UBA52: variants seen among roughly 807,000 people sequenced by gnomAD.
UBA52 encodes the protein ubiquitin A-52 residue ribosomal protein fusion product 1.
In UBA52, 1 loss-of-function variant was observed where a neutral mutation model predicts 15.3. That is an observed-to-expected ratio of 0.07 (90% CI 0.02 to 0.31). UBA52 has a LOEUF of 0.31. UBA52 is among the 10% of genes least tolerant of loss of function. The pLI, the probability that UBA52 is intolerant of heterozygous loss-of-function variation, is 1.00. For synonymous variants in UBA52, 50 were observed against 58.3 expected, an observed-to-expected ratio of 0.86 and a Z score of 0.65; for missense variants, 87 against 168.0, an observed-to-expected ratio of 0.52 and a Z score of 2.66.
In UBA52 at chr19:18,577,044, T is replaced by C. The variant is rs1428223797; in HGVS notation, c.*1894T>C. On this transcript the variant is annotated 3_prime_UTR_variant, in exon 5 of 5. Transcript: ENST00000442744. ...TTGCCCAGAATGGTTTTGCACTGGGTCCAAGCAGTTCTGCCGCAGCCTCCC... is the reference window on the plus strand; with the variant it reads ...TTGCCCAGAATGGTTTTGCACTGGGCCCAAGCAGTTCTGCCGCAGCCTCCC... 7.0e-6 allele frequency: 1 copy of C among 142,864 alleles called. No homozygotes were observed. Among genetic ancestry groups the C allele is most frequent in the African/African-American group, 2.6e-5 (1 of 38,776 alleles). The allele number at this position is 142,864 out of a possible 1,614,324, so 8.8% of individuals were successfully genotyped here. A position where few individuals can be genotyped will look rare whatever the true frequency, so the allele number is the denominator to read the frequency against.
chr19:18,569,860 C>A (rs1181349826), upstream of UBA52, among the ~76,000 whole-genome samples: 1 of 151,970 alleles, frequency 6.6e-6, no homozygotes, highest in African/African-American at 2.4e-5. Context: ...ATGGTGAAAC[C>A]CCATCTCTAC....
chr19:18,570,944 C>T (rs1975458470), upstream of UBA52, among the ~76,000 whole-genome samples: 2 of 151,660 alleles, frequency 1.3e-5, no homozygotes, highest in South Asian at 4.2e-4. Flanking sequence ...ATCTCGGCCT[C>T]CCAAAGTGCA....
chr19:18,574,736 A>C, intron 3 of UBA52, 134 bp from the exon 4 acceptor site: 1 of 1,135,008 alleles, frequency 8.8e-7, no homozygotes, highest in African/African-American at 1.5e-5. Flanking sequence ...CACGTAGAAC[A>C]CTCGGGGGAT....
chr19:18,574,266 TA>T (rs1975664830), intron 3 of UBA52, among the ~76,000 whole-genome samples: 1 of 151,092 alleles, frequency 6.6e-6, no homozygotes, highest in Admixed American at 6.6e-5. Context: ...ATAAGGAAAT[TA>T]GTGTCACTTG....
At chr19:18,572,448 G>C (rs1975542922) in intron 1 of UBA52, 1 of 152,174 alleles carries the variant, frequency 6.6e-6, no homozygotes, top group South Asian at 2.1e-4. Context: ...TTCTGCCTCA[G>C]CCTCCCGAGT....
chr19:18,566,056 C>G, the UBA52 span, among the ~76,000 whole-genome samples: 7 of 152,284 alleles, frequency 4.6e-5, no homozygotes, highest in East Asian at 7.7e-4. Context: ...ATCTCGAAGT[C>G]CTGGCCTCAG....
At chr19:18,564,968 G>A in the UBA52 span, 7 of 1,611,794 alleles carry the variant, frequency 4.3e-6, no homozygotes, top group Admixed American at 5.0e-5. Context: ...TGCACCACAC[G>A]AGGACCCTAG....
At position 18,575,383 on chromosome 19, in the gene UBA52, C is replaced by G; in HGVS notation, c.*233C>G. The stretch of plus-strand genomic sequence containing the variant: ...TGTCACATCGGCATTGGTCCCTGCC[C>G]TATGCCCCTGACTCTGGATTTGTCA... On this transcript the variant is annotated 3_prime_UTR_variant, in exon 5 of 5. Transcript: ENST00000442744. 1 of 542,984 alleles carries G rather than the reference C, an allele frequency of 1.8e-6. No homozygotes were observed. Among genetic ancestry groups the G allele is most frequent in the Non-Finnish European group, 3.3e-6 (1 of 302,136 alleles). 33.6% of individuals were successfully genotyped at this position (542,984 alleles called of 1,614,324 possible).
chr19:18,567,935 C>A (rs745557209), upstream of UBA52, among the ~76,000 whole-genome samples: 2 of 152,174 alleles, frequency 1.3e-5, no homozygotes, highest in Non-Finnish European at 2.9e-5. Flanking sequence ...GAGGGCTCTT[C>A]CCTGCCTGGG....
At chr19:18,572,702 T>C (rs1358220132) in intron 1 of UBA52, 1 of 695,912 alleles carries the variant, frequency 1.4e-6, no homozygotes, top group Non-Finnish European at 1.8e-6. Flanking sequence ...TACTAAGTGA[T>C]GTTCGTGGTT....
chr19:18,568,840 T>G, upstream of UBA52: 1 of 580,668 alleles, frequency 1.7e-6, no homozygotes, highest in South Asian at 2.1e-5. Context: ...AACATCTCTA[T>G]TCTGCAAGAC....
At chr19:18,574,822 G>A (rs934443328) in intron 3 of UBA52, 48 bp from the exon 4 acceptor site, 1 of 1,605,182 alleles carries the variant, frequency 6.2e-7, no homozygotes, top group Non-Finnish European at 8.5e-7. Flanking sequence ...CTGTGACTGA[G>A]GAGCCAGGGC....
At chr19:18,570,419 C>G (rs947086190), upstream of UBA52, among the ~76,000 whole-genome samples, 10 of 151,168 alleles carry the variant, frequency 6.6e-5, no homozygotes, top group Non-Finnish European at 1.3e-4. Flanking sequence ...CCAGGCTGGT[C>G]GTGAATTCCT....
chr19:18,567,066 G>C (rs750753174), upstream of UBA52: 200 of 1,503,844 alleles, frequency 1.3e-4, no homozygotes, highest in Non-Finnish European at 1.7e-4. Context: ...AGGGGCTTGT[G>C]GCCAGCACCA....
chr19:18,571,587 C>T (rs1479062003), upstream of UBA52: 1 of 152,300 alleles, frequency 6.6e-6, no homozygotes, highest in Non-Finnish European at 1.5e-5. Flanking sequence ...CGCTGAGGGC[C>T]CGCCAACCGC....
upstream of UBA52, among the ~76,000 whole-genome samples, chr19:18,571,461 C>A (rs1052357332): frequency 2.6e-5 from 4 of 152,200 alleles, no homozygotes; most frequent in African/African-American, 9.7e-5. Flanking sequence ...TTATAATAAC[C>A]GATTCCAGGT....
At position 18,574,872 on chromosome 19, in the gene UBA52, T is replaced by A; in HGVS notation, c.193T>A (p.Ser65Thr). 6.2e-7 allele frequency: 1 copy of A among 1,613,288 alleles called. No homozygotes were observed. ...TLSDYNIQKE[S>T]TLHLVLRLRG... is the part of the protein sequence containing the mutation. The stretch of plus-strand genomic sequence containing the variant: ...GTCCTTCTGGCTGTCTCCTGCAGAG[T>A]CCACCCTGCACCTGGTGTTGCGCCT... Residue 65 changes from serine (S) to threonine (T), a missense_variant and splice_region_variant, in exon 4 of 5, where the codon TCC (serine) becomes ACC (threonine). By Grantham distance (58) the Ser-to-Thr change is moderately conservative. Coordinates refer to ENST00000442744, the MANE Select transcript of UBA52 (RefSeq NM_001033930.3).
intron 1 of UBA52, 170 bp from the exon 2 acceptor site, chr19:18,573,123 G>T: frequency 8.7e-7 from 1 of 1,147,822 alleles, no homozygotes; most frequent in Non-Finnish European, 1.2e-6. Context: ...GGGTGTGTGA[G>T]AAGCCTAGCA....
upstream of UBA52, chr19:18,567,000 G>A (rs1975275182): frequency 4.1e-6 from 3 of 738,848 alleles, no homozygotes; most frequent in African/African-American, 1.7e-5. Context: ...AAGATGTGAG[G>A]TGATGAACAG....
Sources: allele counts gnomAD v4.1 joint callset (sites outside exome capture counted in the v4.1 genomes callset), GRCh38; gene constraint gnomAD v4.1.1; transcripts MANE v1.5; gene names NCBI Gene and HGNC (gene_info 2026-07-23, HGNC 2026-07-21).